Variants in FOXN3 observed in about 807,000 individuals in gnomAD.
FOXN3 encodes the protein forkhead box N3.
FOXN3 carries 7 observed loss-of-function variants against 38.4 expected under a neutral mutation model. The ratio of observed to expected loss-of-function variants is 0.18; its 90% confidence interval spans 0.10 to 0.34. The LOEUF (loss-of-function observed/expected upper bound fraction) is 0.34. Among genes scored for constraint, FOXN3 ranks in the 10% least tolerant of loss-of-function variants. The probability of loss-of-function intolerance (pLI) is 1.00; values close to 1 mark genes in which losing one functional copy is unlikely to be tolerated. For synonymous variants in FOXN3, 230 were observed against 242.2 expected (o/e 0.95, Z 0.47); for missense variants, 456 against 613.4 (o/e 0.74, Z 2.71).
chr14:89,315,502 G>A (rs1596177158), intron 3 of FOXN3, among the ~76,000 whole-genome samples: 4 of 152,218 alleles, frequency 2.6e-5, no homozygotes, highest in Middle Eastern at 6.8e-3. Context: ...TCGTAGGCAT[G>A]TCTTTGATTC....
chr14:89,479,805 T>C (rs894312395), intron 1 of FOXN3, among the ~76,000 whole-genome samples: 3 of 152,236 alleles, frequency 2.0e-5, no homozygotes, highest in East Asian at 1.9e-4. Flanking sequence ...CTGATACATA[T>C]ATGGTGATTT....
chr14:89,209,741 T>A (rs1386300952), intron 4 of FOXN3, among the ~76,000 whole-genome samples: 2 of 152,258 alleles, frequency 1.3e-5, no homozygotes, highest in African/African-American at 4.8e-5. Flanking sequence ...TCTAGGCATG[T>A]CACTACTAAG....
chr14:89,461,826 G>C (rs907947766), intron 1 of FOXN3, among the ~76,000 whole-genome samples: 3 of 152,060 alleles, frequency 2.0e-5, no homozygotes, highest in African/African-American at 7.2e-5. Flanking sequence ...GGAGAAAAGG[G>C]TATTCCAGAA....
chr14:89,447,547 G>A (rs977508665), intron 1 of FOXN3, among the ~76,000 whole-genome samples: 6 of 152,032 alleles, frequency 3.9e-5, no homozygotes, highest in African/African-American at 4.8e-5. Context: ...CCTCTCTGTT[G>A]AAAAACACTG....
intron 1 of FOXN3, among the ~76,000 whole-genome samples, chr14:89,511,215 C>CTTTTCT (rs1373301687): frequency 1.1e-4 from 1 of 8,710 alleles, no homozygotes; most frequent in African/African-American, 1.6e-4. Flanking sequence ...TTCTTTCTTT[C>CTTTTCT]TTTCTTTCTT....
chr14:89,613,969 A>G (rs1176304841), intron 1 of FOXN3, among the ~76,000 whole-genome samples: 1 of 152,048 alleles, frequency 6.6e-6, no homozygotes, highest in Admixed American at 6.6e-5. Flanking sequence ...TCTGCCTGCC[A>G]CCCCTAGAAA....
intron 4 of FOXN3, among the ~76,000 whole-genome samples, chr14:89,208,122 G>A (rs1284651369): frequency 6.6e-6 from 1 of 152,204 alleles, no homozygotes; most frequent in East Asian, 1.9e-4. Flanking sequence ...TGTACATAAT[G>A]AGAGGTCATA....
intron 1 of FOXN3, among the ~76,000 whole-genome samples, chr14:89,465,675 T>C (rs538645632): frequency 1.3e-5 from 2 of 152,326 alleles, no homozygotes; most frequent in East Asian, 3.9e-4. Flanking sequence ...GAATGTGAGG[T>C]GTGATCTAAT....
intron 2 of FOXN3, among the ~76,000 whole-genome samples, chr14:89,365,749 A>G (rs902829618): frequency 6.6e-6 from 1 of 152,220 alleles, no homozygotes; most frequent in Non-Finnish European, 1.5e-5. Context: ...ATCGTTTTAT[A>G]TACTTCTAAT....
At chr14:89,241,934 G>GT (rs1220251581) in intron 4 of FOXN3, among the ~76,000 whole-genome samples, 1 of 152,150 alleles carries the variant, frequency 6.6e-6, no homozygotes, top group East Asian at 1.9e-4. Context: ...TGGCTACCAC[G>GT]TTTTTTCTCC....
At chr14:89,582,154 T>A (rs1440338745) in intron 1 of FOXN3, among the ~76,000 whole-genome samples, 2 of 152,100 alleles carry the variant, frequency 1.3e-5, no homozygotes, top group Non-Finnish European at 2.9e-5. Context: ...GCTCCAACAG[T>A]CCCCCGTCTG....
At chr14:89,305,373 G>T (rs570755978) in intron 3 of FOXN3, among the ~76,000 whole-genome samples, 2 of 152,226 alleles carry the variant, frequency 1.3e-5, no homozygotes, top group Non-Finnish European at 2.9e-5. Context: ...TGTCCTACCC[G>T]ATGAGTTTCA....
intron 1 of FOXN3, among the ~76,000 whole-genome samples, chr14:89,586,825 T>C (rs1895852534): frequency 1.3e-5 from 2 of 152,212 alleles, no homozygotes. Context: ...CCAGATTTGA[T>C]TGTAAGCTTT....
intron 3 of FOXN3, among the ~76,000 whole-genome samples, chr14:89,301,346 C>T (rs1887211997): frequency 1.3e-5 from 2 of 151,182 alleles, no homozygotes; most frequent in South Asian, 4.2e-4. Flanking sequence ...TGTGGTGGCA[C>T]GCACCTGCAG....
intron 1 of FOXN3, among the ~76,000 whole-genome samples, chr14:89,596,859 T>A (rs1040117176): frequency 6.6e-6 from 1 of 152,160 alleles, no homozygotes; most frequent in African/African-American, 2.4e-5. Context: ...ATACCCTTTT[T>A]TCATTCCTCA....
At chr14:89,532,248 T>C (rs1894585673) in intron 1 of FOXN3, among the ~76,000 whole-genome samples, 3 of 152,176 alleles carry the variant, frequency 2.0e-5, no homozygotes, top group African/African-American at 4.8e-5. Flanking sequence ...GAGAAAGCCA[T>C]GGAAACTTCA....
chr14:89,498,377 C>G (rs1370051524), intron 1 of FOXN3, among the ~76,000 whole-genome samples: 1 of 151,978 alleles, frequency 6.6e-6, no homozygotes, highest in Non-Finnish European at 1.5e-5. Flanking sequence ...CACGTGCCAC[C>G]ACACCCAGCT....
rs1887682846 is a variant in FOXN3 at position 89,181,868 on chromosome 14, C to A, written c.746-1062G>T. ...GCAGGGGAGCATCACTAAGTGAGAA[C>A]ACGGGTGAGCTTTCATCTGAGTTCT... On this transcript the variant is annotated intron_variant, in intron 4 of 5. Coordinates refer to ENST00000557258, the MANE Select transcript of FOXN3 (RefSeq NM_005197.4). Among the ~76,000 whole-genome samples the A allele has an allele frequency of 2.0e-5, 3 of 152,202 alleles. 1 individual carries two copies. The South Asian group carries it at 6.2e-4, about 32-fold the overall frequency.
intron 4 of FOXN3, among the ~76,000 whole-genome samples, chr14:89,187,388 G>T (rs923633812): frequency 6.6e-6 from 1 of 152,208 alleles, no homozygotes; most frequent in Non-Finnish European, 1.5e-5. Flanking sequence ...GCAGTGGCAG[G>T]ACCCCTCAAC....
Sources: allele counts gnomAD v4.1 joint callset (sites outside exome capture counted in the v4.1 genomes callset), GRCh38; gene constraint gnomAD v4.1.1; transcripts MANE v1.5; gene names NCBI Gene and HGNC (gene_info 2026-07-23, HGNC 2026-07-21).